The following MAPRE2 variants were observed in gnomAD, a reference collection of about 807,000 sequenced individuals.
MAPRE2 encodes the protein microtubule associated protein RP/EB family member 2, also known as microtubule-associated protein RP/EB family member 2.
In MAPRE2, 13 loss-of-function variants were observed where a neutral mutation model predicts 43.2. That is an observed-to-expected ratio of 0.30 (90% CI 0.20 to 0.48). The LOEUF is 0.48. Ranked by LOEUF, MAPRE2 falls within the 20% of genes least tolerant of loss-of-function variation. The pLI is 0.99. For missense variants in MAPRE2, 161 were observed against 400.2 expected (o/e 0.40, Z 5.10); for synonymous variants, 135 against 148.8 (o/e 0.91, Z 0.68).
At chr18:35,074,798 T>A (rs1907267272) in intron 2 of MAPRE2, among the ~76,000 whole-genome samples, 1 of 152,052 alleles carries the variant, frequency 6.6e-6, no homozygotes, top group Non-Finnish European at 1.5e-5. Flanking sequence ...GACACCTGAC[T>A]TGGGGCAAAT....
At chr18:35,054,185 A>C (rs1388976903) in intron 1 of MAPRE2, among the ~76,000 whole-genome samples, 2 of 152,118 alleles carry the variant, frequency 1.3e-5, no homozygotes, top group Non-Finnish European at 2.9e-5. Context: ...CTCAAGTAAA[A>C]TTTAGAGACT....
intron 4 of MAPRE2, among the ~76,000 whole-genome samples, chr18:35,115,263 G>A (rs2144211272): frequency 6.6e-6 from 1 of 152,286 alleles, no homozygotes; most frequent in African/African-American, 2.4e-5. Flanking sequence ...ACACATGGCT[G>A]TTTTTGAAGT....
chr18:35,008,488 A>G (rs1603389478), intron 2 of MAPRE2, among the ~76,000 whole-genome samples: 1 of 152,178 alleles, frequency 6.6e-6, no homozygotes, highest in Non-Finnish European at 1.5e-5. Context: ...TCCACAGTGC[A>G]TATCATAATG....
At chr18:35,123,457 C>G (rs1909776554) in intron 4 of MAPRE2, among the ~76,000 whole-genome samples, 1 of 152,190 alleles carries the variant, frequency 6.6e-6, no homozygotes, top group African/African-American at 2.4e-5. Context: ...GGGAAGCCCC[C>G]TCTGCAAGGC....
At chr18:34,979,798 G>A (rs1345597973) in intron 1 of MAPRE2, among the ~76,000 whole-genome samples, 1 of 151,964 alleles carries the variant, frequency 6.6e-6, no homozygotes, top group African/African-American at 2.4e-5. Flanking sequence ...AAGGTTTCTT[G>A]CCTTTAAAAC....
At chr18:35,078,288 C>T (rs1254857470) in intron 2 of MAPRE2, among the ~76,000 whole-genome samples, 6 of 152,088 alleles carry the variant, frequency 3.9e-5, no homozygotes, top group Non-Finnish European at 1.5e-5. Flanking sequence ...CTAAAACATG[C>T]ATTTTGGAGA....
chr18:35,028,582 C>T (rs960235839), intron 2 of MAPRE2, among the ~76,000 whole-genome samples: 10 of 152,234 alleles, frequency 6.6e-5, no homozygotes, highest in Middle Eastern at 3.4e-3. Context: ...TCTAAATGAC[C>T]TGATTTGGGT....
intron 2 of MAPRE2, among the ~76,000 whole-genome samples, chr18:35,020,669 C>G (rs894930913): frequency 2.0e-5 from 3 of 152,092 alleles, no homozygotes; most frequent in African/African-American, 7.2e-5. Context: ...TCTAACCACT[C>G]TTGCCTCCTA....
At chr18:34,996,547 T>A (rs1406186297) in intron 1 of MAPRE2, among the ~76,000 whole-genome samples, 1 of 152,018 alleles carries the variant, frequency 6.6e-6, no homozygotes, top group Non-Finnish European at 1.5e-5. Flanking sequence ...ATCTAATAGG[T>A]GTGTATGGTG....
chr18:35,094,965 G>C (rs555875297), intron 2 of MAPRE2, among the ~76,000 whole-genome samples: 2 of 152,288 alleles, frequency 1.3e-5, no homozygotes, highest in East Asian at 1.9e-4. Context: ...GCCACTTTCA[G>C]CTTCTGTGGT....
chr18:35,007,253 G>T (rs1483256353), intron 2 of MAPRE2, among the ~76,000 whole-genome samples: 2 of 152,088 alleles, frequency 1.3e-5, no homozygotes, highest in African/African-American at 4.8e-5. Flanking sequence ...CTGTGTTCCT[G>T]GAAAATAGTC....
intron 2 of MAPRE2, among the ~76,000 whole-genome samples, chr18:35,089,718 G>A (rs1908052522): frequency 6.6e-6 from 1 of 152,150 alleles, no homozygotes; most frequent in Admixed American, 6.5e-5. Context: ...ACCTGCTTTG[G>A]AAAACAGTGT....
intron 5 of MAPRE2, chr18:35,127,624 T>C (rs1342546621): frequency 6.6e-6 from 1 of 152,234 alleles, no homozygotes; most frequent in East Asian, 1.9e-4. Flanking sequence ...TTTCCTTCCT[T>C]CATAGAACTT....
chr18:35,133,937 C>T (rs1164072468), intron 6 of MAPRE2, among the ~76,000 whole-genome samples: 1 of 152,176 alleles, frequency 6.6e-6, no homozygotes, highest in African/African-American at 2.4e-5. Context: ...ACCTTGCCAC[C>T]ATCTGGATTC....
chr18:35,030,347 T>C (rs553463948), intron 2 of MAPRE2, among the ~76,000 whole-genome samples: 2 of 152,334 alleles, frequency 1.3e-5, no homozygotes, highest in East Asian at 1.9e-4. Flanking sequence ...ATCAGCTATC[T>C]CATCCCTGCC....
At chr18:35,051,487 C>CATGTACCTATTTCCAGCCTGT in intron 1 of MAPRE2, among the ~76,000 whole-genome samples, 1 of 152,312 alleles carries the variant, frequency 6.6e-6, no homozygotes, top group Middle Eastern at 3.4e-3. Flanking sequence ...AAGATGTCAG[C>CATGTACCTATTTCCAGCCTGT]ATGTACCTAT....
At chr18:35,021,731 A>G (rs1232715915) in intron 2 of MAPRE2, among the ~76,000 whole-genome samples, 3 of 152,148 alleles carry the variant, frequency 2.0e-5, no homozygotes, top group East Asian at 3.8e-4. Context: ...GACAGAAAAT[A>G]CTAGAAAAGT....
At chr18:35,100,462 G>A (rs1908623246) in intron 3 of MAPRE2, among the ~76,000 whole-genome samples, 1 of 151,988 alleles carries the variant, frequency 6.6e-6, no homozygotes. Context: ...CCCATTATTG[G>A]GTATATACCC....
Position 34,985,491 on chromosome 18 carries a change from T to TATTATATAATATATAATATATATATTGC in MAPRE2, c.-70+8414_-70+8415insTATATAATATATAATATATATATTGCAT, listed in dbSNP as rs1568961918. On this transcript the variant is annotated intron_variant, in intron 1 of 7. Transcript: ENST00000413393. ...TATATAATATATAATATATATATTG[T>TATTATATAATATATAATATATATATTGC]ATATTATATAATATATAATATATAT... is the stretch of plus-strand genomic sequence containing the variant. Among the ~76,000 whole-genome samples, 16 of 45,640 alleles carry TATTATATAATATATAATATATATATTGC rather than the reference T, an allele frequency of 3.5e-4. 3 individuals carry two copies. The highest frequency in any genetic ancestry group is 8.6e-4 in the African/African-American group (9 of 10,510). The allele number at this position is 45,640 out of a possible 152,430, so 29.9% of individuals were successfully genotyped here.
Sources: allele counts gnomAD v4.1 joint callset (sites outside exome capture counted in the v4.1 genomes callset), GRCh38; gene constraint gnomAD v4.1.1; transcripts MANE v1.5; gene names NCBI Gene and HGNC (gene_info 2026-07-23, HGNC 2026-07-21).